The following SDCCAG8 variants were observed in gnomAD, a reference collection of about 807,000 sequenced individuals.
The protein encoded by SDCCAG8 is SHH signaling and ciliogenesis regulator SDCCAG8, also known as serologically defined colon cancer antigen 8.
In SDCCAG8, 74 loss-of-function variants were observed where a neutral mutation model predicts 101.8. The ratio of observed to expected loss-of-function variants is 0.73; its 90% confidence interval spans 0.60 to 0.88. The LOEUF (loss-of-function observed/expected upper bound fraction) is 0.88. SDCCAG8 is among the 40% of genes least tolerant of loss of function. The pLI, the probability that SDCCAG8 is intolerant of heterozygous loss-of-function variation, is 0.00. For missense variants in SDCCAG8, 787 were observed against 822.6 expected, an observed-to-expected ratio of 0.96 and a Z score of 0.53; for synonymous variants, 281 against 292.9, an observed-to-expected ratio of 0.96 and a Z score of 0.41.
intron 17 of SDCCAG8, among the ~76,000 whole-genome samples, chr1:243,498,133 G>A (rs1325256635): frequency 6.6e-6 from 1 of 152,210 alleles, no homozygotes; most frequent in Non-Finnish European, 1.5e-5. Flanking sequence ...AGGGGTGGAG[G>A]GCCATTCAAA....
rs190301575 is a variant in SDCCAG8 at position 243,403,623 on chromosome 1, C to T, written c.1617-12079C>T. Among the ~76,000 whole-genome samples, 577 of 151,212 alleles carry T rather than the reference C, an allele frequency of 3.8e-3. 7 individuals carry two copies. Among genetic ancestry groups the T allele is most frequent in the Non-Finnish European group, 3.3e-3 (226 of 67,998 alleles). ...ACTCGGGGTCACCTGACCTCCATCTCCTGTCGGAGCAGCAGCATCATTGGA... is the reference window on the plus strand; with the variant it reads ...ACTCGGGGTCACCTGACCTCCATCTTCTGTCGGAGCAGCAGCATCATTGGA... On this transcript the variant is annotated intron_variant, in intron 13 of 17. Coordinates refer to ENST00000366541, the MANE Select transcript of SDCCAG8 (RefSeq NM_006642.5).
intron 7 of SDCCAG8, chr1:243,307,568 T>C (rs1329991068): frequency 2.0e-6 from 2 of 984,090 alleles, no homozygotes; most frequent in African/African-American, 3.5e-5. Flanking sequence ...ATGCTTGAAA[T>C]AGGGTATTTT....
At chr1:243,411,491 A>G (rs565006139) in intron 13 of SDCCAG8, among the ~76,000 whole-genome samples, 9 of 152,298 alleles carry the variant, frequency 5.9e-5, no homozygotes, top group Admixed American at 3.9e-4. Flanking sequence ...GCAGGTAAAT[A>G]TGGTTTGACA....
intron 17 of SDCCAG8, among the ~76,000 whole-genome samples, chr1:243,497,344 G>T (rs935684384): frequency 7.0e-6 from 1 of 143,072 alleles, no homozygotes; most frequent in Non-Finnish European, 1.5e-5. Context: ...GGGTGGGGGG[G>T]GGGGCGTTGA....
chr1:243,292,942 C>A, intron 5 of SDCCAG8, 149 bp from the exon 6 acceptor site: 2 of 952,482 alleles, frequency 2.1e-6, no homozygotes, highest in Non-Finnish European at 3.3e-6. Context: ...ACCCTAATAG[C>A]CTGAAAATGT....
At chr1:243,260,636 C>T (rs1370064912) in intron 1 of SDCCAG8, among the ~76,000 whole-genome samples, 3 of 152,158 alleles carry the variant, frequency 2.0e-5, no homozygotes, top group African/African-American at 7.2e-5. Context: ...CTTGCTGCAG[C>T]GTTGGGAATA....
chr1:243,471,279 GC>G (rs891588664), intron 16 of SDCCAG8, among the ~76,000 whole-genome samples: 1 of 152,154 alleles, frequency 6.6e-6, no homozygotes, highest in African/African-American at 2.4e-5. Flanking sequence ...GGTCCTGCGA[GC>G]CCAGGAACAG....
intron 10 of SDCCAG8, among the ~76,000 whole-genome samples, chr1:243,333,279 G>C (rs971676942): frequency 6.6e-6 from 1 of 152,072 alleles, no homozygotes; most frequent in African/African-American, 2.4e-5. Flanking sequence ...CTTATCCTCA[G>C]GAAAATATTT....
intron 1 of SDCCAG8, chr1:243,267,437 A>T (rs2067708418): frequency 3.9e-6 from 1 of 259,294 alleles, no homozygotes; most frequent in East Asian, 1.1e-4. Flanking sequence ...CGTCTCTACT[A>T]AAAAAAAATA....
chr1:243,446,485 C>G (rs1375723707), intron 16 of SDCCAG8, among the ~76,000 whole-genome samples: 1 of 152,144 alleles, frequency 6.6e-6, no homozygotes, highest in South Asian at 2.1e-4. Flanking sequence ...AGGCTGGTCT[C>G]GAACTCCTGG....
At chr1:243,422,984 A>G (rs1195413972) in intron 15 of SDCCAG8, among the ~76,000 whole-genome samples, 1 of 152,178 alleles carries the variant, frequency 6.6e-6, no homozygotes, top group East Asian at 1.9e-4. Context: ...CTCCTAACTA[A>G]CAGAAAACTT....
rs1484612433 is a variant in SDCCAG8 at position 243,474,753 on chromosome 1, C to T, written c.1986-14261C>T. Among the ~76,000 whole-genome samples the T allele has an allele frequency of 1.3e-5, 2 of 152,244 alleles. No homozygotes were observed. The highest frequency in any genetic ancestry group is 2.4e-5 in the African/African-American group (1 of 41,468). ...CGGGACGCGGCGTGGCAGCGCAGGGCTCGGCTAGATGCGCTCCTCCTCGGA... is the reference window on the plus strand; with the variant it reads ...CGGGACGCGGCGTGGCAGCGCAGGGTTCGGCTAGATGCGCTCCTCCTCGGA... On this transcript the variant is annotated intron_variant, in intron 16 of 17. Coordinates refer to ENST00000366541, the MANE Select transcript of SDCCAG8 (RefSeq NM_006642.5). The surrounding 1 kb of genome is among the most constrained non-coding windows in gnomAD (Gnocchi z 4.7).
At chr1:243,330,449 A>AT (rs1212667338) in intron 9 of SDCCAG8, 91 bp from the exon 10 acceptor site, 1 of 1,347,150 alleles carries the variant, frequency 7.4e-7, no homozygotes, top group East Asian at 2.4e-5. Flanking sequence ...AGTTTTTGCT[A>AT]TTTTAAATAT....
intron 6 of SDCCAG8, among the ~76,000 whole-genome samples, chr1:243,300,238 C>T (rs2071371686): frequency 6.6e-6 from 1 of 152,114 alleles, no homozygotes; most frequent in Non-Finnish European, 1.5e-5. Context: ...CCAGTATTCA[C>T]TTGATTGCTC....
At chr1:243,274,238 CAGAGCA>C (rs2068331304) in intron 3 of SDCCAG8, among the ~76,000 whole-genome samples, 1 of 152,176 alleles carries the variant, frequency 6.6e-6, no homozygotes, top group Non-Finnish European at 1.5e-5. Context: ...CACCAAAACT[CAGAGCA>C]AGAACTCATT....
At chr1:243,310,840 A>G (rs1023194752) in intron 8 of SDCCAG8, among the ~76,000 whole-genome samples, 2 of 152,244 alleles carry the variant, frequency 1.3e-5, no homozygotes, top group African/African-American at 4.8e-5. Flanking sequence ...AGATGTCAGC[A>G]TATGAAAATG....
intron 12 of SDCCAG8, among the ~76,000 whole-genome samples, chr1:243,362,842 A>G (rs1269976952): frequency 1.3e-5 from 2 of 152,224 alleles, no homozygotes; most frequent in African/African-American, 2.4e-5. Context: ...TTTATCAAAT[A>G]TGTCTCATTG....
At chr1:243,454,094 T>A (rs2083560554) in intron 16 of SDCCAG8, among the ~76,000 whole-genome samples, 1 of 152,204 alleles carries the variant, frequency 6.6e-6, no homozygotes, top group South Asian at 2.1e-4. Flanking sequence ...GATGCTTTTT[T>A]AAATCCTCTA....
chr1:243,425,157 T>C (rs541397439), intron 15 of SDCCAG8, among the ~76,000 whole-genome samples: 1 of 152,216 alleles, frequency 6.6e-6, no homozygotes, highest in South Asian at 2.1e-4. Context: ...GAAAATGAGA[T>C]AATCCATGCT....
Sources: allele counts gnomAD v4.1 joint callset (sites outside exome capture counted in the v4.1 genomes callset), GRCh38; gene constraint gnomAD v4.1.1; non-coding constraint Gnocchi (gnomAD v3.1); transcripts MANE v1.5; gene names NCBI Gene and HGNC (gene_info 2026-07-23, HGNC 2026-07-21).